WSB2: variants seen among roughly 807,000 people sequenced by gnomAD.
The protein encoded by WSB2 is WD repeat and SOCS box-containing protein 2.
Under a neutral mutation model 48.8 loss-of-function variants are expected in WSB2, and 12 were observed. That is an observed-to-expected ratio of 0.25 (90% CI 0.16 to 0.40). WSB2 has a LOEUF of 0.40. WSB2 is among the 10% of genes least tolerant of loss of function. The pLI, the probability that WSB2 is intolerant of heterozygous loss-of-function variation, is 1.00. For missense variants in WSB2, 317 were observed against 506.2 expected, an observed-to-expected ratio of 0.63 and a Z score of 3.59; for synonymous variants, 191 against 203.1, an observed-to-expected ratio of 0.94 and a Z score of 0.51.
At chr12:118,034,466 A>G in intron 8 of WSB2, 108 bp from the exon 9 acceptor site, 1 of 1,334,584 alleles carries the variant, frequency 7.5e-7, no homozygotes, top group African/African-American at 1.5e-5. Context: ...GAGACTTCGG[A>G]GAGTGAAATG....
At chr12:118,045,416 G>A (rs960618406) in intron 2 of WSB2, among the ~76,000 whole-genome samples, 1 of 151,834 alleles carries the variant, frequency 6.6e-6, no homozygotes, top group Non-Finnish European at 1.5e-5. Context: ...AGAAGGGAGG[G>A]GCCGGGCACG....
chr12:118,043,069 G>A (rs7312586), intron 3 of WSB2, 64 bp downstream of exon 3: 565,966 of 1,613,506 alleles, frequency 0.35, 101,339 homozygotes, highest in Admixed American at 0.37. Context: ...GGGGCAGGGA[G>A]GCGACATAGT....
chr12:118,043,447 AC>A, intron 2 of WSB2, 70 bp from the exon 3 acceptor site: 1 of 1,506,630 alleles, frequency 6.6e-7, no homozygotes, highest in Non-Finnish European at 8.8e-7. Flanking sequence ...ATCCTGGGAC[AC>A]GTAAGACTTT....
rs928622265 is a variant in WSB2, at chr12:118,043,336, T to C, written c.224A>G (p.Asn75Ser). ...GFEAKSRSSK[N>S]ETKGRGSPKE... Reference sequence around the variant, plus strand: ...TGGGCTGCCCCGCCCTTTCGTCTCATTTTTGCTACTTCGGCTTTTGGCTTC... The same window carrying C: ...TGGGCTGCCCCGCCCTTTCGTCTCACTTTTGCTACTTCGGCTTTTGGCTTC... Residue 75 changes from asparagine (N) to serine (S), a missense_variant, in exon 3 of 9, where the codon AAT (asparagine) becomes AGT (serine). Asn to Ser is a conservative substitution (Grantham distance 46). Around this residue, in one of 2 missense-constraint regions of WSB2, gnomAD observed 128 missense variants for 156.7 expected, o/e 0.82. Transcript: ENST00000315436. 1.9e-6 allele frequency: 3 copies of C among 1,591,592 alleles called. No homozygotes were observed. The African/African-American group carries it at 4.1e-5, about 22-fold the overall frequency.
Position 118,060,986 on chromosome 12 carries a change from A to G in WSB2, c.13+50T>C. 1.1e-6 allele frequency: 1 copy of G among 913,888 alleles called. No individual in the cohort carries two copies. The highest frequency in any genetic ancestry group is 1.3e-6 in the Non-Finnish European group (1 of 765,558). The allele number at this position is 913,888 out of a possible 1,614,324, so 56.6% of individuals were successfully genotyped here. ...GTCGCCTCCCCCCTCCCCGGGGAGA[A>G]CGGGCCAGGGCCCCGCCGGGCGGGA... On this transcript the variant is annotated intron_variant, in intron 1 of 8. Transcript: ENST00000315436. This position sits in a 1 kb window ranked among gnomAD's most constrained non-coding sequence, Gnocchi z 4.1.
chr12:118,042,740 ACAT>A, intron 4 of WSB2, 98 bp downstream of exon 4: 3 of 1,523,092 alleles, frequency 2.0e-6, no homozygotes, highest in Non-Finnish European at 2.6e-6. Flanking sequence ...ACAGAAAAAA[ACAT>A]CAAGAAACAC....
chr12:118,035,208 C>T lies in WSB2; in HGVS notation c.944+6G>A, dbSNP rs762325319. 10 of 1,613,908 alleles carry T rather than the reference C, an allele frequency of 6.2e-6. No individual in the cohort carries two copies. The highest frequency in any genetic ancestry group is 2.7e-5 in the African/African-American group (2 of 74,922). ...GAGGCCATGTAAAGAGAGTTCTCTT[C>T]GTTACCTGTCATCTGCCACCGTGGC... On this transcript the variant is annotated splice_donor_region_variant and intron_variant, in intron 7 of 8. Coordinates refer to ENST00000315436, the MANE Select transcript of WSB2 (RefSeq NM_018639.5).
chr12:118,057,448 T>C (rs764698361), intron 1 of WSB2, among the ~76,000 whole-genome samples: 13 of 152,104 alleles, frequency 8.5e-5, no homozygotes, highest in Non-Finnish European at 1.5e-5. Flanking sequence ...CTAATTTTTG[T>C]ATTTTTAGTA....
rs781357348 is a variant in WSB2 at position 118,034,194 on chromosome 12, G to C, written c.*2C>G. On this transcript the variant is annotated 3_prime_UTR_variant, in exon 9 of 9. Transcript: ENST00000315436. ...ACAAAGAAGCACAAGATGTGGTGTT[G>C]CTTAAAAAGTCCTGTATGTGAGGAA... 6.2e-7 allele frequency: 1 copy of C among 1,614,040 alleles called. No homozygotes were observed. The highest frequency in any genetic ancestry group is 1.7e-5 in the Admixed American group (1 of 60,010).
At chr12:118,059,391 C>G (rs1335644483) in intron 1 of WSB2, among the ~76,000 whole-genome samples, 1 of 151,920 alleles carries the variant, frequency 6.6e-6, no homozygotes, top group Non-Finnish European at 1.5e-5. Context: ...TCGGGGCTGG[C>G]CTAGAGGGTG....
At chr12:118,050,293 G>T (rs1431768720) in intron 2 of WSB2, among the ~76,000 whole-genome samples, 1 of 152,174 alleles carries the variant, frequency 6.6e-6, no homozygotes, top group Non-Finnish European at 1.5e-5. Context: ...CCATCTGAAT[G>T]GGAGCTCACG....
intron 4 of WSB2, among the ~76,000 whole-genome samples, chr12:118,040,483 G>A (rs945936437): frequency 1.3e-5 from 2 of 152,028 alleles, no homozygotes; most frequent in African/African-American, 2.4e-5. Context: ...ACTGCCAGCC[G>A]AGCGTGGTAC....
chr12:118,061,828 G>A (rs1162643075), upstream of WSB2, among the ~76,000 whole-genome samples: 8 of 148,062 alleles, frequency 5.4e-5, no homozygotes, highest in Non-Finnish European at 1.2e-4. Context: ...GAAACCTGGG[G>A]AGAGCTGGGC....
Position 118,061,058 on chromosome 12 carries a change from G to A in WSB2, c.-10C>T, listed in dbSNP as rs1273612386. ...CACCTCCGGCCTCCATGGAGGACGC[G>A]AGCGGCCCCCGCGGCAGGCGGCGGG... On this transcript the variant is annotated 5_prime_UTR_variant, in exon 1 of 9. Coordinates refer to ENST00000315436, the MANE Select transcript of WSB2 (RefSeq NM_018639.5). 5.0e-5 allele frequency: 49 copies of A among 984,422 alleles called. No homozygotes were observed. In the South Asian group the frequency reaches 2.0e-3, roughly 40 times the overall value. The allele number at this position is 984,422 out of a possible 1,614,324, so 61.0% of individuals were successfully genotyped here.
At chr12:118,037,472 G>A (rs2031538809) in intron 5 of WSB2, among the ~76,000 whole-genome samples, 3 of 152,076 alleles carry the variant, frequency 2.0e-5, no homozygotes, top group African/African-American at 7.2e-5. Context: ...TTCAAGACCA[G>A]CCTGGCTAAT....
At chr12:118,046,916 C>T (rs369529630) in intron 2 of WSB2, among the ~76,000 whole-genome samples, 4 of 152,168 alleles carry the variant, frequency 2.6e-5, no homozygotes, top group Admixed American at 6.5e-5. Flanking sequence ...GGACTACAGG[C>T]GCATGCCACC....
rs1037324075 is a variant in WSB2 at position 118,033,081 on chromosome 12, T to C, written c.*1115A>G. 3 of 152,216 alleles carry C rather than the reference T, an allele frequency of 2.0e-5. No homozygotes were observed. Among genetic ancestry groups the C allele is most frequent in the African/African-American group, 7.2e-5 (3 of 41,458 alleles). The allele number at this position is 152,216 out of a possible 1,614,324, so 9.4% of individuals were successfully genotyped here. A position where few individuals can be genotyped will look rare whatever the true frequency, so the allele number is the denominator to read the frequency against. On this transcript the variant is annotated 3_prime_UTR_variant, in exon 9 of 9. Coordinates refer to ENST00000315436, the MANE Select transcript of WSB2 (RefSeq NM_018639.5). ...ATTAAGAAAGCTAAAGAATAAGATG[T>C]TGTATTTCTTTTAAAATAATTTAAA... is the stretch of plus-strand genomic sequence containing the variant.
chr12:118,048,972 C>T (rs887479487), intron 2 of WSB2, among the ~76,000 whole-genome samples: 1 of 152,144 alleles, frequency 6.6e-6, no homozygotes, highest in African/African-American at 2.4e-5. Context: ...CCGGGAGCAG[C>T]TCTAGGTCAT....
At chr12:118,050,262 T>A (rs1366934259) in intron 2 of WSB2, among the ~76,000 whole-genome samples, 3 of 151,936 alleles carry the variant, frequency 2.0e-5, no homozygotes, top group Non-Finnish European at 4.4e-5. Context: ...CTGGGACAAA[T>A]GAAAACATAC....
Sources: allele counts gnomAD v4.1 joint callset (sites outside exome capture counted in the v4.1 genomes callset), GRCh38; gene constraint gnomAD v4.1.1; regional missense constraint gnomAD v4.1.1; non-coding constraint Gnocchi (gnomAD v3.1); transcripts MANE v1.5; gene names NCBI Gene and HGNC (gene_info 2026-07-23, HGNC 2026-07-21).